Variants in ABI3BP observed in about 807,000 individuals in gnomAD.
The protein encoded by ABI3BP is target of Nesh-SH3.
Under a neutral mutation model 268.6 loss-of-function variants are expected in ABI3BP, and 216 were observed. The observed-to-expected ratio is 0.80, with a 90% confidence interval of 0.72 to 0.90. The LOEUF is 0.90. Ranked by LOEUF, ABI3BP falls within the 40% of genes least tolerant of loss-of-function variation. The probability of loss-of-function intolerance (pLI) is 0.00; values close to 1 mark genes in which losing one functional copy is unlikely to be tolerated. For synonymous variants in ABI3BP, 730 were observed against 730.0 expected, an observed-to-expected ratio of 1.00 and a Z score of 0.00; for missense variants, 2,090 against 2,182.4, an observed-to-expected ratio of 0.96 and a Z score of 0.84.
At chr3:100,805,475 T>C (rs193143280) in intron 50 of ABI3BP, among the ~76,000 whole-genome samples, 1 of 152,230 alleles carries the variant, frequency 6.6e-6, no homozygotes, top group Admixed American at 6.5e-5. Context: ...ACTAATATAA[T>C]AGACACCAGG....
chr3:100,978,242 C>A (rs1274092478), intron 1 of ABI3BP, among the ~76,000 whole-genome samples: 1 of 152,232 alleles, frequency 6.6e-6, no homozygotes, highest in Non-Finnish European at 1.5e-5. Flanking sequence ...ATGTCCAATT[C>A]TAGCTGAAGG....
intron 16 of ABI3BP, 31 bp downstream of exon 16, chr3:100,850,629 T>C (rs1447289973): frequency 1.3e-6 from 2 of 1,542,344 alleles, no homozygotes; most frequent in Admixed American, 1.8e-5. Flanking sequence ...TGATGGAAAA[T>C]AAAGTATGAT....
In ABI3BP at chr3:100,898,859, C is replaced by T; in HGVS notation, c.364G>A (p.Val122Ile). 6.2e-7 allele frequency: 1 copy of T among 1,613,112 alleles called. No homozygotes were observed. The highest frequency in any genetic ancestry group is 1.3e-5 in the African/African-American group (1 of 75,000). The change falls in exon 4 of 68, where the codon GTT becomes ATT. Residue 122 changes from valine to isoleucine, a missense_variant. By Grantham distance (29) the Val-to-Ile change is conservative. Transcript: ENST00000471714. ...ACCGAGCTCGGTGTCAGAGTGCCAACCACCAGCTGCAGAGGTTTGCGAGAA... is the reference window on the plus strand; with the variant it reads ...ACCGAGCTCGGTGTCAGAGTGCCAATCACCAGCTGCAGAGGTTTGCGAGAA... ...TRSRKPLQLV[V>I]GTLTPSSVFL...
At chr3:100,948,675 A>G (rs769222036) in intron 1 of ABI3BP, among the ~76,000 whole-genome samples, 5 of 152,146 alleles carry the variant, frequency 3.3e-5, no homozygotes, top group African/African-American at 4.8e-5. Flanking sequence ...CTCTACCCCA[A>G]TAATAGTCCC....
At position 100,864,975 on chromosome 3, in the gene ABI3BP, T is replaced by A. The variant is rs1014147040; in HGVS notation, c.989-68A>T. 2.2e-5 allele frequency: 26 copies of A among 1,206,976 alleles called. No homozygotes were observed. The African/African-American group carries it at 3.5e-4, about 16-fold the overall frequency. The allele number at this position is 1,206,976 out of a possible 1,614,324, so 74.8% of individuals were successfully genotyped here. A position where few individuals can be genotyped will look rare whatever the true frequency, so the allele number is the denominator to read the frequency against. ...AAGCAACCAAAGACCAGGAGACACA[T>A]CCTGTTGCCTTTTAGAATTAGTGGC... On this transcript the variant is annotated intron_variant, in intron 10 of 67. Coordinates refer to ENST00000471714, the MANE Select transcript of ABI3BP (RefSeq NM_001375547.2).
At chr3:100,896,578 C>T (rs1278548888) in intron 4 of ABI3BP, among the ~76,000 whole-genome samples, 2 of 152,168 alleles carry the variant, frequency 1.3e-5, no homozygotes, top group Non-Finnish European at 2.9e-5. Flanking sequence ...AATTGGGTTG[C>T]ATTTTGCTGT....
At position 100,784,798 on chromosome 3, in the gene ABI3BP, A is replaced by G. The variant is rs147028057; in HGVS notation, c.4162+2930T>C. Among the ~76,000 whole-genome samples the G allele has an allele frequency of 4.9e-3, 743 of 152,240 alleles. 5 individuals carry two copies. Among genetic ancestry groups the G allele is most frequent in the African/African-American group, 0.016 (685 of 41,538 alleles). ...ACTCAGGAGTGGAAAACCAAAAACT[A>G]TATGTTCTTACTTAAAAGTGGGAGG... On this transcript the variant is annotated intron_variant, in intron 57 of 67. Coordinates refer to ENST00000471714, the MANE Select transcript of ABI3BP (RefSeq NM_001375547.2).
At chr3:100,941,441 C>A (rs1027603908) in intron 1 of ABI3BP, among the ~76,000 whole-genome samples, 1 of 152,068 alleles carries the variant, frequency 6.6e-6, no homozygotes, top group Non-Finnish European at 1.5e-5. Context: ...ACCCAGAAGA[C>A]GGTTACTTTC....
At position 100,750,538 on chromosome 3, in the gene ABI3BP, A is replaced by T. The variant is rs1206829221; in HGVS notation, c.5318T>A (p.Val1773Asp). Residue 1773 changes from valine (V) to aspartate (D), a missense_variant, in exon 68 of 68, where the codon GTT becomes GAT. Transcript: ENST00000471714. ...TGTAGTCCCACATTCATACCACTGAACATAATTGATTTGGGTGTGACCACC... is the reference window on the plus strand; with the variant it reads ...TGTAGTCCCACATTCATACCACTGATCATAATTGATTTGGGTGTGACCACC... ...EIGGHTQINY[V>D]QWYECGTTIP... 1.2e-6 allele frequency: 2 copies of T among 1,613,276 alleles called. No homozygotes were observed. Among genetic ancestry groups the T allele is most frequent in the Non-Finnish European group, 1.7e-6 (2 of 1,179,508 alleles).
chr3:100,966,598 GAAGTT>G (rs1262275873), intron 1 of ABI3BP, among the ~76,000 whole-genome samples: 2 of 152,284 alleles, frequency 1.3e-5, no homozygotes, highest in Non-Finnish European at 2.9e-5. Context: ...TTGCAAATGA[GAAGTT>G]AAGGTGGTTT....
At chr3:100,823,537 CA>C in intron 36 of ABI3BP, 23 bp from the exon 37 acceptor site, 2 of 1,515,504 alleles carry the variant, frequency 1.3e-6, no homozygotes, top group Non-Finnish European at 8.8e-7. Context: ...ACATGTAAAT[CA>C]AAGAGATTTT....
At chr3:100,963,248 T>C (rs931285574) in intron 1 of ABI3BP, among the ~76,000 whole-genome samples, 5 of 152,170 alleles carry the variant, frequency 3.3e-5, no homozygotes, top group African/African-American at 9.7e-5. Context: ...AGGGTTGAGA[T>C]TTGAACAAAG....
chr3:100,869,080 C>T (rs913523814), intron 9 of ABI3BP, among the ~76,000 whole-genome samples: 1 of 152,048 alleles, frequency 6.6e-6, no homozygotes, highest in African/African-American at 2.4e-5. Context: ...CCCATGTTCT[C>T]AGTGAGTCCC....
At chr3:100,960,937 T>G (rs940270593) in intron 1 of ABI3BP, among the ~76,000 whole-genome samples, 3 of 152,200 alleles carry the variant, frequency 2.0e-5, no homozygotes, top group African/African-American at 7.2e-5. Flanking sequence ...ATTTCAGTCT[T>G]GTAAGACTTG....
intron 60 of ABI3BP, 75 bp downstream of exon 60, chr3:100,775,132 C>G: frequency 6.5e-7 from 1 of 1,540,736 alleles, no homozygotes; most frequent in Non-Finnish European, 8.8e-7. Context: ...CTGAGACTCA[C>G]CCATCCCCAC....
In ABI3BP at chr3:100,832,323, C is replaced by T. The variant is rs1298586322; in HGVS notation, c.2342G>A (p.Arg781His). The T allele has an allele frequency of 3.7e-5, 57 of 1,534,936 alleles. No individual in the cohort carries two copies. The highest frequency in any genetic ancestry group is 1.7e-4 in the Middle Eastern group (1 of 6,002). The change falls in exon 31 of 68, where the codon CGT (arginine) becomes CAT (histidine). Residue 781 changes from arginine to histidine, a missense_variant. Coordinates refer to ENST00000471714, the MANE Select transcript of ABI3BP (RefSeq NM_001375547.2). ...GGTTTTAGGTTTGGGATGTGGACGA[C>T]GGGTTCTTTTTGTTGTTGTTGTTGG... is the stretch of plus-strand genomic sequence containing the variant. Reference protein sequence around the residue: ...SAPTTTTKRTRRPHPKPKTTP... With the variant: ...SAPTTTTKRTHRPHPKPKTTP...
intron 1 of ABI3BP, among the ~76,000 whole-genome samples, chr3:100,935,210 C>G (rs1003789144): frequency 4.6e-5 from 7 of 152,152 alleles, no homozygotes; most frequent in Non-Finnish European, 1.5e-5. Context: ...AGCCAGTTTT[C>G]CCAATACCAT....
At chr3:100,976,071 A>G (rs1274286309) in intron 1 of ABI3BP, among the ~76,000 whole-genome samples, 2 of 152,194 alleles carry the variant, frequency 1.3e-5, no homozygotes, top group East Asian at 3.8e-4. Flanking sequence ...AAACAATAGT[A>G]TTTTTGAAGG....
chr3:100,940,012 T>C (rs1422793332), intron 1 of ABI3BP, among the ~76,000 whole-genome samples: 1 of 152,092 alleles, frequency 6.6e-6, no homozygotes, highest in African/African-American at 2.4e-5. Flanking sequence ...AGGGCTCTGT[T>C]CCGCCCGGCT....
Sources: gnomAD v4.1 joint callset for allele counts (sites outside exome capture counted in the v4.1 genomes callset) on GRCh38, gnomAD v4.1.1 for gene constraint, MANE v1.5 for transcripts, NCBI Gene and HGNC (gene_info 2026-07-23, HGNC 2026-07-21) for gene names.